SCN10A: variants seen among roughly 807,000 people sequenced by gnomAD.
SCN10A encodes the protein sodium voltage-gated channel alpha subunit 10, also known as sodium channel protein type 10 subunit alpha.
Under a neutral mutation model 170.7 loss-of-function variants are expected in SCN10A, and 162 were observed. The ratio of observed to expected loss-of-function variants is 0.95; its 90% CI spans 0.84 to 1.08. The LOEUF (loss-of-function observed/expected upper bound fraction) is 1.08, where lower values mean the gene tolerates loss of function less well. Among genes scored for constraint, SCN10A ranks in the 50% least tolerant of loss-of-function variants. The pLI, the probability that SCN10A is intolerant of heterozygous loss-of-function variation, is 0.00. For synonymous variants in SCN10A, 985 were observed against 904.6 expected, an observed-to-expected ratio of 1.09 and a Z score of -1.59; for missense variants, 2,527 against 2,436.9, an observed-to-expected ratio of 1.04 and a Z score of -0.78.
rs367725043 is a variant in SCN10A at position 38,726,799 on chromosome 3, T to C, written c.2894A>G (p.Asn965Ser). The change falls in exon 17 of 28, where the codon AAC becomes AGC. Residue 965 changes from asparagine to serine, a missense_variant. Transcript: ENST00000449082. ...SSKAENHIAA[N>S]TARGSSGGLQ... ...CCCTCCAGAGCTCCCCCTGGCAGTG[T>C]TGGCAGCAATGTGGTTCTCAGCCTT... 16 of 1,611,540 alleles carry C rather than the reference T, an allele frequency of 9.9e-6. No individual in the cohort carries two copies. Among genetic ancestry groups the C allele is most frequent in the African/African-American group, 4.0e-5 (3 of 74,986 alleles).
intron 1 of SCN10A, among the ~76,000 whole-genome samples, chr3:38,800,042 T>C (rs2064362236): frequency 6.6e-6 from 1 of 152,136 alleles, no homozygotes. Flanking sequence ...CTCAGAAAGT[T>C]TGTCAGCCCT....
rs2063460316 is a variant in SCN10A, at chr3:38,726,787, C to T, written c.2906G>A (p.Gly969Glu). 5.6e-6 allele frequency: 9 copies of T among 1,611,108 alleles called. No individual in the cohort carries two copies. Among genetic ancestry groups the T allele is most frequent in the African/African-American group, 1.3e-5 (1 of 74,880 alleles). ...GGGAGCTTGGAGCCCTCCAGAGCTC[C>T]CCCTGGCAGTGTTGGCAGCAATGTG... ...ENHIAANTAR[G>E]SSGGLQAPRG... The change falls in exon 17 of 28, where the codon GGG becomes GAG. Residue 969 changes from glycine (G) to glutamate (E), a missense_variant. Coordinates refer to ENST00000449082, the MANE Select transcript of SCN10A (RefSeq NM_006514.4).
rs2063462715 is a variant in SCN10A, at chr3:38,726,908, A to G, written c.2785T>C (p.Cys929Arg). 1 of 1,614,094 alleles carries G rather than the reference A, an allele frequency of 6.2e-7. No homozygotes were observed. Among genetic ancestry groups the G allele is most frequent in the Admixed American group, 1.7e-5 (1 of 60,010 alleles). The change falls in exon 17 of 28, where the codon TGC (cysteine) becomes CGC (arginine). Residue 929 changes from cysteine (C) to arginine (R), a missense_variant. Coordinates refer to ENST00000449082, the MANE Select transcript of SCN10A (RefSeq NM_006514.4). ...VFGHRTKQAL[C>R]SFFSRSCPFP... ...GGGCAGGACCTGCTGAAGAAGCTGCAAAGAGCCTGTTTGGTACGATGGCCA... is the reference window on the plus strand; with the variant it reads ...GGGCAGGACCTGCTGAAGAAGCTGCGAAGAGCCTGTTTGGTACGATGGCCA...
intron 21 of SCN10A, among the ~76,000 whole-genome samples, chr3:38,715,061 C>T (rs2063320809): frequency 6.6e-6 from 1 of 152,134 alleles, no homozygotes; most frequent in African/African-American, 2.4e-5. Context: ...GCTTATTGCA[C>T]CAGGACAAAG....
At chr3:38,802,318 T>C (rs558620317) in intron 1 of SCN10A, among the ~76,000 whole-genome samples, 1 of 152,256 alleles carries the variant, frequency 6.6e-6, no homozygotes, top group Non-Finnish European at 1.5e-5. Context: ...ATTTGAAACA[T>C]TAAATTTATA....
At chr3:38,759,477 C>T (rs1431545257) in intron 8 of SCN10A, among the ~76,000 whole-genome samples, 1 of 152,168 alleles carries the variant, frequency 6.6e-6, no homozygotes, top group Non-Finnish European at 1.5e-5. Flanking sequence ...TCCCTACTTT[C>T]TCTCTTGCCT....
intron 1 of SCN10A, among the ~76,000 whole-genome samples, chr3:38,809,053 G>A (rs896719211): frequency 6.6e-6 from 1 of 152,162 alleles, no homozygotes; most frequent in African/African-American, 2.4e-5. Flanking sequence ...TATGAACCTG[G>A]AAATAATGTT....
chr3:38,782,713 C>G (rs957028844), intron 4 of SCN10A, among the ~76,000 whole-genome samples: 31 of 152,050 alleles, frequency 2.0e-4, no homozygotes, highest in African/African-American at 7.5e-4. Context: ...TGTGATTTCT[C>G]TACTTAGTAA....
intron 3 of SCN10A, among the ~76,000 whole-genome samples, 194 bp downstream of exon 3, chr3:38,791,856 C>A (rs769103536): frequency 2.6e-5 from 4 of 152,162 alleles, no homozygotes; most frequent in Non-Finnish European, 4.4e-5. Flanking sequence ...ATAAACACTT[C>A]TTCTGTGTCT....
At chr3:38,808,390 A>G (rs897177566) in intron 1 of SCN10A, among the ~76,000 whole-genome samples, 2 of 152,280 alleles carry the variant, frequency 1.3e-5, no homozygotes, top group African/African-American at 4.8e-5. Context: ...ATTCATTTGC[A>G]TAGGAACCAG....
At position 38,771,416 on chromosome 3, in the gene SCN10A, G is replaced by C. The variant is rs756408393; in HGVS notation, c.471-9C>G. The C allele has an allele frequency of 6.8e-6, 11 of 1,613,492 alleles. No homozygotes were observed. In the South Asian group the frequency reaches 1.2e-4, roughly 18 times the overall value. ...TGACAGTGAAGACATATCTGGGAAG[G>C]AGGGTAGAAAAGGAGTGTCAACTGT... On this transcript the variant is annotated splice_polypyrimidine_tract_variant and intron_variant, in intron 4 of 27. Transcript: ENST00000449082.
chr3:38,788,257 C>T (rs987324971), intron 4 of SCN10A, among the ~76,000 whole-genome samples: 3 of 148,316 alleles, frequency 2.0e-5, no homozygotes, highest in African/African-American at 5.0e-5. Context: ...CTGCAAAGCA[C>T]CTGTTATTAT....
intron 5 of SCN10A, among the ~76,000 whole-genome samples, chr3:38,765,360 C>G (rs1321673665): frequency 6.6e-6 from 1 of 152,098 alleles, no homozygotes; most frequent in Non-Finnish European, 1.5e-5. Flanking sequence ...AGATTTAAGC[C>G]TTTTATCCAT....
In SCN10A at chr3:38,756,838, A is replaced by G; in HGVS notation, c.1126T>C (p.Phe376Leu). ...LRTSGKIYMI[F>L]FVLVIFLGSF... ...CCCAGGAAGATTACGAGCACAAAAA[A>G]GATCATATAGATTTTCCCAGAAGTC... Residue 376 changes from phenylalanine to leucine, a missense_variant, in exon 10 of 28, where the codon TTT becomes CTT. Phe to Leu is a conservative substitution (Grantham distance 22, BLOSUM62 0). Transcript: ENST00000449082. The G allele has an allele frequency of 6.2e-7, 1 of 1,614,224 alleles. No individual in the cohort carries two copies. Among genetic ancestry groups the G allele is most frequent in the Non-Finnish European group, 8.5e-7 (1 of 1,180,040 alleles).
intron 20 of SCN10A, among the ~76,000 whole-genome samples, chr3:38,721,600 A>T (rs2063390617): frequency 6.6e-6 from 1 of 152,162 alleles, no homozygotes; most frequent in Admixed American, 6.5e-5. Flanking sequence ...CTCTATTCCC[A>T]TAAGGCCTTG....
rs760563121 is a variant in SCN10A, at chr3:38,750,212, G to A, written c.1756-28C>T. The A allele has an allele frequency of 2.1e-5, 29 of 1,397,132 alleles. No homozygotes were observed. The South Asian group carries it at 2.4e-4, about 11-fold the overall frequency. The allele number at this position is 1,397,132 out of a possible 1,614,324, so 86.5% of individuals were successfully genotyped here. On this transcript the variant is annotated intron_variant, in intron 12 of 27. Transcript: ENST00000449082. ...GTTGAGACACAAACAGAGTCAGGAC[G>A]CTCCTTTAACCTGACATCTTCATGG...
chr3:38,726,672 A>G lies in SCN10A; in HGVS notation c.3021T>C (p.Asp1007=). The G allele has an allele frequency of 6.2e-7, 1 of 1,609,920 alleles. No individual in the cohort carries two copies. Among genetic ancestry groups the G allele is most frequent in the Non-Finnish European group, 8.5e-7 (1 of 1,176,648 alleles). ...VPIAEGESDL[D]DLEDDGGEDA... is the part of the protein sequence containing the mutation. ...CTTCCCCACCATCATCCTCCAAGTC[A>G]TCAAGATCAGATTCACCCTCAGCAA... The change falls in exon 17 of 28, where the codon GAT becomes GAC. Residue 1007 remains aspartate (D), a synonymous_variant. Transcript: ENST00000449082.
chr3:38,801,898 C>A (rs1277969211), intron 1 of SCN10A, among the ~76,000 whole-genome samples: 2 of 152,098 alleles, frequency 1.3e-5, no homozygotes, highest in African/African-American at 2.4e-5. Context: ...AAAATCTAGA[C>A]CTTTCTTCTG....
chr3:38,793,949 A>G lies in SCN10A; in HGVS notation c.62T>C (p.Leu21Pro). 3.1e-6 allele frequency: 5 copies of G among 1,613,964 alleles called. No homozygotes were observed. The highest frequency in any genetic ancestry group is 4.2e-6 in the Non-Finnish European group (5 of 1,179,904). ...AGCAATTTGCTTCTCTATCTCCACC[A>G]GTGACTCCGGAGTAAAGCGACGGAA... ...NNFRRFTPES[L>P]VEIEKQIAAK... The change falls in exon 2 of 28, where the codon CTG becomes CCG. Residue 21 changes from leucine to proline, a missense_variant. Transcript: ENST00000449082.
Sources: gnomAD v4.1 joint callset for allele counts (sites outside exome capture counted in the v4.1 genomes callset) on GRCh38, gnomAD v4.1.1 for gene constraint, MANE v1.5 for transcripts, NCBI Gene and HGNC (gene_info 2026-07-23, HGNC 2026-07-21) for gene names.